The following PLK3 variants were observed in gnomAD, a reference collection of about 807,000 sequenced individuals.
PLK3 encodes the protein polo like kinase 3.
PLK3 carries 41 observed loss-of-function variants against 71.6 expected under a neutral mutation model. That is an observed-to-expected ratio of 0.57 (90% CI 0.45 to 0.74). The LOEUF (loss-of-function observed/expected upper bound fraction) is 0.74, where lower values mean the gene tolerates loss of function less well. Among genes scored for constraint, PLK3 ranks in the 30% least tolerant of loss-of-function variants. The pLI, the probability that PLK3 is intolerant of heterozygous loss-of-function variation, is 0.00. For synonymous variants in PLK3, 366 were observed against 355.4 expected (o/e 1.03, Z -0.33); for missense variants, 791 against 875.6 (o/e 0.90, Z 1.22).
chr1:44,802,586 C>T (rs531106852), intron 5 of PLK3, among the ~76,000 whole-genome samples, 174 bp from the exon 6 acceptor site: 12 of 151,972 alleles, frequency 7.9e-5, no homozygotes, highest in Admixed American at 3.3e-4. Flanking sequence ...CTGGGCCAGG[C>T]GGGTGGGCGG....
At position 44,803,170 on chromosome 1, in the gene PLK3, A is replaced by G; in HGVS notation, c.948+17A>G. The G allele has an allele frequency of 3.1e-6, 5 of 1,612,514 alleles. No individual in the cohort carries two copies. Among genetic ancestry groups the G allele is most frequent in the Non-Finnish European group, 3.4e-6 (4 of 1,179,342 alleles). On this transcript the variant is annotated intron_variant, in intron 7 of 14. Coordinates refer to ENST00000372201, the MANE Select transcript of PLK3 (RefSeq NM_004073.4). The surrounding 1 kb of genome is among the most constrained non-coding windows in gnomAD (Gnocchi z 4.3). ...TTTACCAAGGTCTGTGGCTCCCCAG[A>G]CCTCTAAGTCCATCTGTGTATTCCC...
chr1:44,804,251 G>A lies in PLK3; in HGVS notation c.1342+5G>A. 2 of 1,613,486 alleles carry A rather than the reference G, an allele frequency of 1.2e-6. No individual in the cohort carries two copies. On this transcript the variant is annotated splice_donor_5th_base_variant and intron_variant, in intron 11 of 14. Coordinates refer to ENST00000372201, the MANE Select transcript of PLK3 (RefSeq NM_004073.4). Reference sequence around the variant, plus strand: ...GTATAGCCTTCATGCCCCCAGGTAAGGGTGGGGTCTGGTACATGCTGCTGT... The same window carrying A: ...GTATAGCCTTCATGCCCCCAGGTAAAGGTGGGGTCTGGTACATGCTGCTGT...
chr1:44,804,268 T>C (rs1557623839), intron 11 of PLK3, 22 bp downstream of exon 11: 1 of 1,613,266 alleles, frequency 6.2e-7, no homozygotes, highest in South Asian at 1.1e-5. Context: ...GTCTGGTACA[T>C]GCTGCTGTGG....
intron 5 of PLK3, 120 bp downstream of exon 5, chr1:44,802,052 T>G: frequency 1.3e-6 from 1 of 751,158 alleles, no homozygotes; most frequent in Non-Finnish European, 2.2e-6. Flanking sequence ...TGGGAAGGGA[T>G]GATGGGCTGT....
chr1:44,804,974 G>T, intron 13 of PLK3, 195 bp downstream of exon 13: 2 of 601,940 alleles, frequency 3.3e-6, no homozygotes. Context: ...GCGTGGTGGC[G>T]GGCGCCTGTA....
In PLK3 at chr1:44,805,665, G is replaced by A. The variant is rs776334966; in HGVS notation, c.1928G>A (p.Arg643His). Reference protein sequence around the residue: ...LRYALRLLRDRSPA With the variant: ...LRYALRLLRDHSPA ...TATGCTCTGCGCCTGCTCCGGGACCGCAGCCCAGCCTAGGACCCAAGCCCT... is the reference window on the plus strand; with the variant it reads ...TATGCTCTGCGCCTGCTCCGGGACCACAGCCCAGCCTAGGACCCAAGCCCT... Residue 643 changes from arginine (R) to histidine (H), a missense_variant, in exon 15 of 15, where the codon CGC (arginine) becomes CAC (histidine). Physicochemically the swap from Arg to His is conservative, Grantham distance 29 (BLOSUM62 0). Transcript: ENST00000372201. The A allele has an allele frequency of 1.8e-5, 29 of 1,611,982 alleles. No homozygotes were observed. Among genetic ancestry groups the A allele is most frequent in the Admixed American group, 3.3e-5 (2 of 59,998 alleles).
rs1201390516 is a variant in PLK3, at chr1:44,805,789, G to A, written c.*111G>A. 33 of 1,327,056 alleles carry A rather than the reference G, an allele frequency of 2.5e-5. No individual in the cohort carries two copies. The highest frequency in any genetic ancestry group is 3.3e-5 in the Non-Finnish European group (32 of 983,322). The allele number at this position is 1,327,056 out of a possible 1,614,324, so 82.2% of individuals were successfully genotyped here. ...TGGGGGCTTTGGGCCGAATCCCCCA[G>A]GGAATCAGGGACCAGCTTTACTGGA... On this transcript the variant is annotated 3_prime_UTR_variant, in exon 15 of 15. Transcript: ENST00000372201.
In PLK3 at chr1:44,802,960, C is replaced by T. The variant is rs146191329; in HGVS notation, c.755C>T (p.Thr252Met). The change falls in exon 7 of 15, where the codon ACG (threonine) becomes ATG (methionine). Residue 252 changes from threonine (T) to methionine (M), a missense_variant. Physicochemically the swap from Thr to Met is moderately conservative, Grantham distance 81. Transcript: ENST00000372201. ...CCCTTGGCCCTGCCCTATAGGTACA[C>T]GCTGCTCTGCGGGAGCCCTCCCTTT... ...DVWSLGCVMY[T>M]LLCGSPPFET... is the part of the protein sequence containing the mutation. 8.7e-5 allele frequency: 141 copies of T among 1,613,868 alleles called. No individual in the cohort carries two copies. The highest frequency in any genetic ancestry group is 1.1e-4 in the Non-Finnish European group (134 of 1,179,922).
At position 44,805,958 on chromosome 1, in the gene PLK3, C is replaced by G. The variant is rs1049050641; in HGVS notation, c.*280C>G. On this transcript the variant is annotated 3_prime_UTR_variant, in exon 15 of 15. Transcript: ENST00000372201. ...TATTGGGATGTGAGCCCCAGGGGGG[C>G]CTCCTCCTAGGATAATAAACAATTT... 6.6e-6 allele frequency: 10 copies of G among 1,510,358 alleles called. No homozygotes were observed. The highest frequency in any genetic ancestry group is 8.9e-6 in the Non-Finnish European group (10 of 1,129,510). 93.6% of individuals were successfully genotyped at this position (1,510,358 alleles called of 1,614,324 possible). A position where few individuals can be genotyped will look rare whatever the true frequency, so the allele number is the denominator to read the frequency against.
chr1:44,804,134 C>G (rs1481240353), intron 10 of PLK3, 29 bp from the exon 11 acceptor site: 1 of 1,603,048 alleles, frequency 6.2e-7, no homozygotes, highest in African/African-American at 1.3e-5. Context: ...GGTGCTAATT[C>G]CTAAATCTCA....
rs1651813865 is a variant in PLK3, at chr1:44,801,089, T to C, written c.372T>C (p.Arg124=). The C allele has an allele frequency of 1.9e-6, 3 of 1,612,882 alleles. No individual in the cohort carries two copies. Among genetic ancestry groups the C allele is most frequent in the Non-Finnish European group, 2.5e-6 (3 of 1,179,748 alleles). ...HRDLQHRHIV[R]FSHHFEDADN... ...ACCTGCAGCACCGCCACATCGTGCG[T>C]TTTTCGCACCACTTTGAGGACGCTG... The change falls in exon 3 of 15, where the codon CGT becomes CGC. Residue 124 remains arginine, a synonymous_variant. Transcript: ENST00000372201.
Position 44,800,744 on chromosome 1 carries a change from C to G in PLK3, c.210+71C>G. The G allele has an allele frequency of 6.5e-7, 1 of 1,534,500 alleles. No homozygotes were observed. The highest frequency in any genetic ancestry group is 1.2e-5 in the South Asian group (1 of 83,908). On this transcript the variant is annotated intron_variant, in intron 1 of 14. Transcript: ENST00000372201. This position sits in a 1 kb window ranked among gnomAD's most constrained non-coding sequence, Gnocchi z 6.5. ...TCCCGGCCGGCCTCTTTTCTGGCGC[C>G]GAGCAGGGCGTGGGCACTTGACCCC... is the stretch of plus-strand genomic sequence containing the variant.
chr1:44,802,854 A>T lies in PLK3; in HGVS notation c.748A>T (p.Met250Leu), dbSNP rs763771633. The T allele has an allele frequency of 6.2e-7, 1 of 1,612,580 alleles. No homozygotes were observed. Among genetic ancestry groups the T allele is most frequent in the African/African-American group, 1.3e-5 (1 of 74,886 alleles). Reference protein sequence around the residue: ...EADVWSLGCVMYTLLCGSPPF... With the variant: ...EADVWSLGCVLYTLLCGSPPF... ...GGATGTATGGTCACTGGGCTGTGTC[A>T]TGTGAGTTGCAGGGTCCAGGTTCAG... Residue 250 changes from methionine to leucine, a missense_variant and splice_region_variant, in exon 6 of 15, where the codon ATG becomes TTG. Physicochemically the swap from Met to Leu is conservative, Grantham distance 15. Coordinates refer to ENST00000372201, the MANE Select transcript of PLK3 (RefSeq NM_004073.4).
rs1310177417 is a variant in PLK3, at chr1:44,803,276, C to T, written c.957C>T (p.Thr319=). 1 of 1,614,078 alleles carries T rather than the reference C, an allele frequency of 6.2e-7. No individual in the cohort carries two copies. Among genetic ancestry groups the T allele is most frequent in the Non-Finnish European group, 8.5e-7 (1 of 1,179,986 alleles). ...ATGGTTCCCCTCCCTAGGGCTACAC[C>T]CCCGATCGACTCCCTATCAGCAGCT... The part of the protein sequence containing the change: ...LRHDFFTKGY[T]PDRLPISSCV... Residue 319 remains threonine, a synonymous_variant, in exon 8 of 15, where the codon ACC becomes ACT. Coordinates refer to ENST00000372201, the MANE Select transcript of PLK3 (RefSeq NM_004073.4). This position sits in a 1 kb window ranked among gnomAD's most constrained non-coding sequence, Gnocchi z 4.3.
rs377380771 is a variant in PLK3 at position 44,804,750 on chromosome 1, G to A, written c.1606G>A (p.Ala536Thr). The A allele has an allele frequency of 5.6e-6, 9 of 1,613,950 alleles. No individual in the cohort carries two copies. The highest frequency in any genetic ancestry group is 5.5e-5 in the South Asian group (5 of 91,086). The change falls in exon 13 of 15, where the codon GCC (alanine) becomes ACC (threonine). Residue 536 changes from alanine (A) to threonine (T), a missense_variant. By Grantham distance (58) the Ala-to-Thr change is moderately conservative. Transcript: ENST00000372201. ...QPQLGILRYF[A>T]SYMEQHLMKG... The stretch of plus-strand genomic sequence containing the variant: ...TCAGCTGGGTATCCTGCGGTACTTC[G>A]CCTCCTACATGGAGCAGCACCTCAT...
At position 44,805,888 on chromosome 1, in the gene PLK3, G is replaced by C; in HGVS notation, c.*210G>C. 2 of 1,437,768 alleles carry C rather than the reference G, an allele frequency of 1.4e-6. No homozygotes were observed. Among genetic ancestry groups the C allele is most frequent in the Non-Finnish European group, 1.8e-6 (2 of 1,085,296 alleles). The allele number at this position is 1,437,768 out of a possible 1,614,324, so 89.1% of individuals were successfully genotyped here. On this transcript the variant is annotated 3_prime_UTR_variant, in exon 15 of 15. Coordinates refer to ENST00000372201, the MANE Select transcript of PLK3 (RefSeq NM_004073.4). ...GCCTGAGCCTTAGCTCCCAGCTAGG[G>C]GGCGTTATTTATGGACCACTTTTAT...
At position 44,801,063 on chromosome 1, in the gene PLK3, G is replaced by T. The variant is rs762907680; in HGVS notation, c.346G>T (p.Asp116Tyr). ...KILNEIELHR[D>Y]LQHRHIVRFS... ...CCTAAATGAGATTGAGCTGCACCGA[G>T]ACCTGCAGCACCGCCACATCGTGCG... is the stretch of plus-strand genomic sequence containing the variant. Residue 116 changes from aspartate (D) to tyrosine (Y), a missense_variant, in exon 3 of 15, where the codon GAC (aspartate) becomes TAC (tyrosine). Coordinates refer to ENST00000372201, the MANE Select transcript of PLK3 (RefSeq NM_004073.4). 10 of 1,613,594 alleles carry T rather than the reference G, an allele frequency of 6.2e-6. No homozygotes were observed. The African/African-American group carries it at 1.3e-4, about 22-fold the overall frequency.
Position 44,803,277 on chromosome 1 carries a change from C to G in PLK3, c.958C>G (p.Pro320Ala). Reference sequence around the variant, plus strand: ...TGGTTCCCCTCCCTAGGGCTACACCCCCGATCGACTCCCTATCAGCAGCTG... The same window carrying G: ...TGGTTCCCCTCCCTAGGGCTACACCGCCGATCGACTCCCTATCAGCAGCTG... ...RHDFFTKGYT[P>A]DRLPISSCVT... The change falls in exon 8 of 15, where the codon CCC becomes GCC. Residue 320 changes from proline to alanine, a missense_variant. Physicochemically the swap from Pro to Ala is conservative, Grantham distance 27. Transcript: ENST00000372201. This position sits in a 1 kb window ranked among gnomAD's most constrained non-coding sequence, Gnocchi z 4.3. The G allele has an allele frequency of 1.9e-6, 3 of 1,614,114 alleles. No homozygotes were observed. Among genetic ancestry groups the G allele is most frequent in the Non-Finnish European group, 2.5e-6 (3 of 1,180,008 alleles).
rs139969233 is a variant in PLK3 at position 44,803,896 on chromosome 1, C to A, written c.1165-35C>A. 1.1e-5 allele frequency: 16 copies of A among 1,452,338 alleles called. No individual in the cohort carries two copies. Among genetic ancestry groups the A allele is most frequent in the Non-Finnish European group, 1.5e-5 (16 of 1,058,060 alleles). The allele number at this position is 1,452,338 out of a possible 1,614,324, so 90.0% of individuals were successfully genotyped here. A position where few individuals can be genotyped will look rare whatever the true frequency, so the allele number is the denominator to read the frequency against. The stretch of plus-strand genomic sequence containing the variant: ...GGACTCAAGGGTTTGGATTTTGGGG[C>A]CTGTGTCACTCCCTTTCCCTGCCCA... On this transcript the variant is annotated intron_variant, in intron 9 of 14. Coordinates refer to ENST00000372201, the MANE Select transcript of PLK3 (RefSeq NM_004073.4). The surrounding 1 kb of genome is among the most constrained non-coding windows in gnomAD (Gnocchi z 4.3).
Sources: gnomAD v4.1 joint callset for allele counts (sites outside exome capture counted in the v4.1 genomes callset) on GRCh38, gnomAD v4.1.1 for gene constraint, Gnocchi (gnomAD v3.1) non-coding constraint, MANE v1.5 for transcripts, NCBI Gene and HGNC (gene_info 2026-07-23, HGNC 2026-07-21) for gene names.